The following MCUB variants were observed in gnomAD, a reference collection of about 807,000 sequenced individuals.
MCUB encodes calcium uniporter regulatory subunit MCUb, mitochondrial.
MCUB carries 46 observed loss-of-function variants against 41.4 expected under a neutral mutation model. The observed-to-expected ratio is 1.11, with a 90% CI of 0.88 to 1.42. MCUB has a LOEUF of 1.42. MCUB is among the 40% of genes most tolerant of loss of function. MCUB has a pLI of 0.00. For synonymous variants in MCUB, 148 were observed against 148.2 expected (o/e 1.00, Z 0.01); for missense variants, 403 against 404.9 (o/e 1.00, Z 0.04).
At chr4:109,616,568 A>G (rs1160522626) in intron 1 of MCUB, among the ~76,000 whole-genome samples, 2 of 152,130 alleles carry the variant, frequency 1.3e-5, no homozygotes, top group Non-Finnish European at 2.9e-5. Flanking sequence ...CACTTTAAAC[A>G]TGTTTAACTT....
At chr4:109,606,174 C>T (rs756462337) in intron 1 of MCUB, among the ~76,000 whole-genome samples, 1 of 152,134 alleles carries the variant, frequency 6.6e-6, no homozygotes, top group Non-Finnish European at 1.5e-5. Context: ...CGGGGTTTCA[C>T]CATGTTAGCC....
chr4:109,678,301 A>T (rs952455998), intron 4 of MCUB, among the ~76,000 whole-genome samples: 1 of 150,998 alleles, frequency 6.6e-6, no homozygotes, highest in Non-Finnish European at 1.5e-5. Flanking sequence ...CGCCATCATC[A>T]TCATGGCCTG....
intron 4 of MCUB, among the ~76,000 whole-genome samples, chr4:109,666,031 G>C (rs553927133): frequency 6.6e-6 from 1 of 152,196 alleles, no homozygotes; most frequent in South Asian, 2.1e-4. Flanking sequence ...GAGTGATAAG[G>C]GAGGAGACGA....
At chr4:109,610,650 G>A (rs1480592493) in intron 1 of MCUB, among the ~76,000 whole-genome samples, 5 of 152,072 alleles carry the variant, frequency 3.3e-5, no homozygotes, top group Admixed American at 3.3e-4. Context: ...GTCTTTTAAC[G>A]GCAGGGATAC....
intron 1 of MCUB, among the ~76,000 whole-genome samples, chr4:109,582,780 T>A (rs1051083571): frequency 6.6e-6 from 1 of 152,214 alleles, no homozygotes; most frequent in African/African-American, 2.4e-5. Context: ...TTCAGCTTTC[T>A]ACATATAGCT....
chr4:109,665,538 G>A (rs1729325627), intron 4 of MCUB, among the ~76,000 whole-genome samples: 1 of 152,068 alleles, frequency 6.6e-6, no homozygotes, highest in African/African-American at 2.4e-5. Flanking sequence ...GATACAAAAT[G>A]TTTGTTATAT....
chr4:109,653,181 C>A (rs1185432718), intron 1 of MCUB, among the ~76,000 whole-genome samples: 1 of 152,022 alleles, frequency 6.6e-6, no homozygotes, highest in African/African-American at 2.4e-5. Context: ...TCAAGACCAG[C>A]CTGACCAACC....
intron 1 of MCUB, among the ~76,000 whole-genome samples, chr4:109,645,024 C>G (rs1486199624): frequency 1.3e-5 from 2 of 152,286 alleles, no homozygotes; most frequent in South Asian, 2.1e-4. Context: ...AAGCCTCCCC[C>G]TTTATACTCA....
intron 1 of MCUB, among the ~76,000 whole-genome samples, chr4:109,575,151 A>G (rs1027550917): frequency 6.6e-6 from 1 of 152,092 alleles, no homozygotes; most frequent in African/African-American, 2.4e-5. Flanking sequence ...ATCTATCACA[A>G]TGTCAGAAAC....
intron 1 of MCUB, among the ~76,000 whole-genome samples, chr4:109,590,981 G>A (rs952069360): frequency 2.2e-4 from 34 of 152,202 alleles, no homozygotes; most frequent in African/African-American, 7.9e-4. Flanking sequence ...ATACCACTTA[G>A]TAATTCAATC....
In MCUB at chr4:109,639,350, CT is replaced by C. The variant is rs34320513; in HGVS notation, c.100-19649del. On this transcript the variant is annotated intron_variant, in intron 1 of 7. Transcript: ENST00000394650. ...GAGCAGTAATATTTTGAAAGGAATC[CT>C]TTTTTTTTTTTCCCCCTGAGCAGTA... Among the ~76,000 whole-genome samples, 389 of 147,154 alleles carry C rather than the reference CT, an allele frequency of 2.6e-3. 1 individual carries two copies. The highest frequency in any genetic ancestry group is 6.2e-3 in the African/African-American group (252 of 40,618).
At chr4:109,584,122 T>A (rs932739364) in intron 1 of MCUB, among the ~76,000 whole-genome samples, 2 of 152,344 alleles carry the variant, frequency 1.3e-5, no homozygotes, top group Admixed American at 1.3e-4. Context: ...TGCCTCAATT[T>A]CAGAACCTCT....
intron 1 of MCUB, among the ~76,000 whole-genome samples, chr4:109,624,413 A>G (rs1199294589): frequency 6.6e-6 from 1 of 152,254 alleles, no homozygotes; most frequent in East Asian, 1.9e-4. Context: ...TCACTGGAGC[A>G]TGGAAAGAAG....
chr4:109,597,844 G>A (rs1386697793), intron 1 of MCUB, among the ~76,000 whole-genome samples: 6 of 151,618 alleles, frequency 4.0e-5, no homozygotes, highest in South Asian at 2.1e-4. Context: ...CAGACGGGGC[G>A]GTTGCCAGGC....
At chr4:109,624,040 T>C (rs1728310754) in intron 1 of MCUB, among the ~76,000 whole-genome samples, 3 of 151,822 alleles carry the variant, frequency 2.0e-5, no homozygotes, top group Admixed American at 2.0e-4. Flanking sequence ...TTTTGTAGAG[T>C]CAAGATTTTA....
At chr4:109,677,263 A>G (rs1729595061) in intron 4 of MCUB, among the ~76,000 whole-genome samples, 1 of 152,056 alleles carries the variant, frequency 6.6e-6, no homozygotes, top group Admixed American at 6.5e-5. Flanking sequence ...CAGCCATTGT[A>G]TTTTGGAAGT....
rs767171315 is a variant in MCUB at position 109,587,367 on chromosome 4, G to A, written c.99+26931G>A. Among the ~76,000 whole-genome samples, 9 of 152,204 alleles carry A rather than the reference G, an allele frequency of 5.9e-5. No individual in the cohort carries two copies. In the South Asian group the frequency reaches 8.3e-4, roughly 14 times the overall value. Reference sequence around the variant, plus strand: ...CGTTTTTCTGGGTACCGTCTGTCACGGCTTCCGTTGACTAGGAAAGGGAAA... The same window carrying A: ...CGTTTTTCTGGGTACCGTCTGTCACAGCTTCCGTTGACTAGGAAAGGGAAA... On this transcript the variant is annotated intron_variant, in intron 1 of 7. Coordinates refer to ENST00000394650, the MANE Select transcript of MCUB (RefSeq NM_017918.5).
At chr4:109,610,108 C>T (rs567188219) in intron 1 of MCUB, among the ~76,000 whole-genome samples, 1 of 152,150 alleles carries the variant, frequency 6.6e-6, no homozygotes, top group East Asian at 1.9e-4. Context: ...TCACTTAAGG[C>T]CCAAGGGTCT....
At chr4:109,607,959 T>G (rs1727919277) in intron 1 of MCUB, among the ~76,000 whole-genome samples, 1 of 152,180 alleles carries the variant, frequency 6.6e-6, no homozygotes, top group Admixed American at 6.5e-5. Flanking sequence ...TCTCTGTTAT[T>G]TATCCCTTTG....
Sources: gnomAD v4.1 joint callset for allele counts (sites outside exome capture counted in the v4.1 genomes callset) on GRCh38, gnomAD v4.1.1 for gene constraint, MANE v1.5 for transcripts, NCBI Gene and HGNC (gene_info 2026-07-23, HGNC 2026-07-21) for gene names.